The following SNX13 variants were observed in gnomAD, a reference collection of about 807,000 sequenced individuals.
SNX13 encodes sorting nexin 13.
Under a neutral mutation model 133.6 loss-of-function variants are expected in SNX13, and 45 were observed. The ratio of observed to expected loss-of-function variants is 0.34; its 90% CI spans 0.27 to 0.43. The LOEUF is 0.43. Ranked by LOEUF, SNX13 falls within the 20% of genes least tolerant of loss-of-function variation. SNX13 has a pLI of 1.00. For synonymous variants in SNX13, 414 were observed against 373.9 expected, an observed-to-expected ratio of 1.11 and a Z score of -1.24; for missense variants, 1,032 against 1,145.1, an observed-to-expected ratio of 0.90 and a Z score of 1.43.
At chr7:17,868,742 T>TAC (rs1449070052) in intron 8 of SNX13, among the ~76,000 whole-genome samples, 9 of 152,130 alleles carry the variant, frequency 5.9e-5, no homozygotes, top group Non-Finnish European at 1.3e-4. Flanking sequence ...AGCAAGATGA[T>TAC]ACCTCTAGTA....
At chr7:17,841,342 T>C (rs936344579) in intron 12 of SNX13, among the ~76,000 whole-genome samples, 11 of 151,976 alleles carry the variant, frequency 7.2e-5, no homozygotes, top group Non-Finnish European at 1.5e-5. Context: ...GTGGGAAAAT[T>C]AGAAAGTGAC....
intron 5 of SNX13, among the ~76,000 whole-genome samples, chr7:17,878,332 G>T (rs1416898977): frequency 6.6e-6 from 1 of 151,922 alleles, no homozygotes; most frequent in African/African-American, 2.4e-5. Context: ...AAAAATAAAA[G>T]AACACAATCC....
Position 17,794,132 on chromosome 7 carries a change from G to T in SNX13, c.2787C>A (p.Phe929Leu). 6.2e-7 allele frequency: 1 copy of T among 1,611,644 alleles called. No homozygotes were observed. Among genetic ancestry groups the T allele is most frequent in the Non-Finnish European group, 8.5e-7 (1 of 1,178,418 alleles). Reference protein sequence around the residue: ...LFPQYKFRELFNKLHSRSKQM... With the variant: ...LFPQYKFRELLNKLHSRSKQM... Reference sequence around the variant, plus strand: ...GCTTTGACCGTGAATGCAGTTTGTTGAAAAGTTCACGGAATTTATACTGTG... The same window carrying T: ...GCTTTGACCGTGAATGCAGTTTGTTTAAAAGTTCACGGAATTTATACTGTG... Residue 929 changes from phenylalanine (F) to leucine (L), a missense_variant, in exon 26 of 26, where the codon TTC (phenylalanine) becomes TTA (leucine). Phe to Leu is a conservative substitution (Grantham distance 22). Transcript: ENST00000428135.
intron 15 of SNX13, among the ~76,000 whole-genome samples, chr7:17,832,947 C>A (rs1788682019): frequency 6.6e-6 from 1 of 151,256 alleles, no homozygotes; most frequent in Non-Finnish European, 1.5e-5. Context: ...GGGAGACTTC[C>A]ATAATAAAGG....
intron 1 of SNX13, among the ~76,000 whole-genome samples, chr7:17,920,556 G>C (rs1800015394): frequency 6.6e-6 from 1 of 152,158 alleles, no homozygotes; most frequent in Non-Finnish European, 1.5e-5. Flanking sequence ...AAGTTTAACA[G>C]TGAAAAAATA....
intron 3 of SNX13, among the ~76,000 whole-genome samples, chr7:17,892,468 A>G (rs1186506453): frequency 6.6e-6 from 1 of 151,842 alleles, no homozygotes; most frequent in Admixed American, 6.6e-5. Flanking sequence ...AATGGTTCAA[A>G]AAAGGAAAGG....
intron 1 of SNX13, 26 bp from the exon 2 acceptor site, chr7:17,897,472 A>T (rs1161988585): frequency 7.8e-7 from 1 of 1,285,378 alleles, no homozygotes; most frequent in Non-Finnish European, 1.1e-6. Flanking sequence ...AATATAAGTA[A>T]ATTAGTAAAT....
intron 9 of SNX13, among the ~76,000 whole-genome samples, chr7:17,867,163 C>T (rs957645943): frequency 2.6e-5 from 4 of 151,980 alleles, no homozygotes; most frequent in African/African-American, 9.7e-5. Context: ...TTTATAGTGC[C>T]TAATGCAAAG....
chr7:17,849,935 G>C (rs968592999), intron 11 of SNX13, among the ~76,000 whole-genome samples: 29 of 152,094 alleles, frequency 1.9e-4, no homozygotes, highest in African/African-American at 6.8e-4. Context: ...ATCACCACCT[G>C]ATATTACGCG....
At chr7:17,833,217 G>A (rs943411199) in intron 15 of SNX13, among the ~76,000 whole-genome samples, 15 of 151,552 alleles carry the variant, frequency 9.9e-5, no homozygotes, top group South Asian at 6.2e-4. Context: ...TTGGGCCTAA[G>A]AATTTGGAAG....
chr7:17,794,715 G>GT (rs1305710318), intron 25 of SNX13: 1 of 153,202 alleles, frequency 6.5e-6, no homozygotes, highest in Non-Finnish European at 1.4e-5. Context: ...TGTAAACTTT[G>GT]TAATATTATA....
At chr7:17,810,018 GA>G (rs1477506064) in intron 20 of SNX13, among the ~76,000 whole-genome samples, 1 of 151,968 alleles carries the variant, frequency 6.6e-6, no homozygotes, top group Non-Finnish European at 1.5e-5. Flanking sequence ...GAGAAAGCAG[GA>G]AAGATCTAAA....
intron 22 of SNX13, among the ~76,000 whole-genome samples, chr7:17,800,757 G>A (rs1784523601): frequency 6.6e-6 from 1 of 151,130 alleles, no homozygotes; most frequent in Admixed American, 6.6e-5. Flanking sequence ...AATGACAAAA[G>A]GTCTTGACAG....
intron 13 of SNX13, among the ~76,000 whole-genome samples, chr7:17,835,595 T>C (rs999139838): frequency 3.3e-5 from 5 of 152,016 alleles, no homozygotes; most frequent in African/African-American, 4.8e-5. Flanking sequence ...ACATCAACTT[T>C]TGCATTTTCA....
Position 17,803,686 on chromosome 7 carries a change from T to C in SNX13, c.2065-106A>G, listed in dbSNP as rs534356170. On this transcript the variant is annotated intron_variant, in intron 20 of 25. Transcript: ENST00000428135. ...GTGCAACACTGGAAAGATGCAGTAA[T>C]TTTCTGGTCTATATTATGTCGTTAC... The C allele has an allele frequency of 1.9e-4, 184 of 972,462 alleles. 1 individual carries two copies. The South Asian group carries it at 3.4e-3, about 18-fold the overall frequency. The allele number at this position is 972,462 out of a possible 1,614,324, so 60.2% of individuals were successfully genotyped here.
chr7:17,872,639 T>C (rs958951232), intron 8 of SNX13, among the ~76,000 whole-genome samples: 80 of 152,196 alleles, frequency 5.3e-4, no homozygotes, highest in African/African-American at 1.7e-3. Context: ...AGAAGTACAC[T>C]GAACCCCAAG....
At chr7:17,926,852 C>T (rs1473397808) in intron 1 of SNX13, among the ~76,000 whole-genome samples, 2 of 152,150 alleles carry the variant, frequency 1.3e-5, no homozygotes, top group East Asian at 1.9e-4. Flanking sequence ...TGCTACTGCA[C>T]TCTAGCCTGG....
rs780831845 is a variant in SNX13, at chr7:17,834,146, A to G, written c.1503T>C (p.Pro501=). 2 of 1,595,746 alleles carry G rather than the reference A, an allele frequency of 1.3e-6. No individual in the cohort carries two copies. Among genetic ancestry groups the G allele is most frequent in the South Asian group, 1.1e-5 (1 of 88,424 alleles). The change falls in exon 15 of 26, where the codon CCT becomes CCC. Residue 501 remains proline, a synonymous_variant. Transcript: ENST00000428135. Reference sequence around the variant, plus strand: ...CATAAAGTGCATTCTGTCTGAAGGAAGGATAAAATCTTTCATCTCGTAGCA... The same window carrying G: ...CATAAAGTGCATTCTGTCTGAAGGAGGGATAAAATCTTTCATCTCGTAGCA... ...ELMLRDERFY[P]SFRQNALYVR...
In SNX13 at chr7:17,850,434, A is replaced by G; in HGVS notation, c.978T>C (p.Asp326=). The G allele has an allele frequency of 6.5e-7, 1 of 1,540,252 alleles. No individual in the cohort carries two copies. Among genetic ancestry groups the G allele is most frequent in the Non-Finnish European group, 8.8e-7 (1 of 1,135,992 alleles). ...TTATTTGATTTTTGATAGTGTTGATATCTAAAAGCAAAGAAATCATGAACT... is the reference window on the plus strand; with the variant it reads ...TTATTTGATTTTTGATAGTGTTGATGTCTAAAAGCAAAGAAATCATGAACT... ...YLRSLDTAGD[D]INTIKNQINS... The change falls in exon 11 of 26, where the codon GAT becomes GAC. Residue 326 remains aspartate, a splice_region_variant and synonymous_variant. Coordinates refer to ENST00000428135, the MANE Select transcript of SNX13 (RefSeq NM_015132.5).
Sources: gnomAD v4.1 joint callset for allele counts (sites outside exome capture counted in the v4.1 genomes callset) on GRCh38, gnomAD v4.1.1 for gene constraint, MANE v1.5 for transcripts, NCBI Gene and HGNC (gene_info 2026-07-23, HGNC 2026-07-21) for gene names.